PTGES3: variants seen among roughly 807,000 people sequenced by gnomAD.
PTGES3 encodes Hsp90 co-chaperone.
A neutral mutation model predicts 29.9 loss-of-function variants in PTGES3; 5 were observed. That is an observed-to-expected ratio of 0.17 (90% CI 0.09 to 0.35). PTGES3 has a LOEUF of 0.35. Ranked by LOEUF, PTGES3 falls within the 10% of genes least tolerant of loss-of-function variation. The pLI is 1.00. For synonymous variants in PTGES3, 49 were observed against 57.8 expected (o/e 0.85, Z 0.69); for missense variants, 128 against 190.0 (o/e 0.67, Z 1.92).
chr12:56,679,752 G>A (rs974847514), intron 1 of PTGES3, among the ~76,000 whole-genome samples: 2 of 152,030 alleles, frequency 1.3e-5, no homozygotes, highest in Admixed American at 6.6e-5. Flanking sequence ...TTGGCTCACC[G>A]CAACCTCCAC....
chr12:56,676,649 C>T (rs1952262945), intron 1 of PTGES3, among the ~76,000 whole-genome samples: 1 of 152,000 alleles, frequency 6.6e-6, no homozygotes, highest in Admixed American at 6.6e-5. Flanking sequence ...TAGAAAAGTG[C>T]TAAGTGGGTA....
At chr12:56,666,043 A>G in intron 6 of PTGES3, 161 bp downstream of exon 6, 1 of 1,392,824 alleles carries the variant, frequency 7.2e-7, no homozygotes, top group Non-Finnish European at 9.4e-7. Flanking sequence ...AGATACCCCC[A>G]TTCGTCAAAA....
rs1203507147 is a variant in PTGES3, at chr12:56,676,145, G to GGGAGGTGGAGGT, written c.3-3092_3-3081dup. On this transcript the variant is annotated intron_variant, in intron 1 of 7. Transcript: ENST00000262033. ...GGAGGCTGGGAGGGGGAGGGGGAGG[G>GGGAGGTGGAGGT]GGAGGTGGAGGTGGAGGTTGCGGTA... Among the ~76,000 whole-genome samples the GGGAGGTGGAGGT allele has an allele frequency of 1.2e-3, 167 of 138,334 alleles. 2 individuals are homozygous for GGGAGGTGGAGGT. Among genetic ancestry groups the GGGAGGTGGAGGT allele is most frequent in the African/African-American group, 4.4e-3 (155 of 35,310 alleles). The allele number at this position is 138,334 out of a possible 152,430, so 90.8% of individuals were successfully genotyped here. A position where few individuals can be genotyped will look rare whatever the true frequency, so the allele number is the denominator to read the frequency against.
At chr12:56,664,902 G>A (rs1275189031) in intron 6 of PTGES3, 102 bp from the exon 7 acceptor site, 1 of 1,520,198 alleles carries the variant, frequency 6.6e-7, no homozygotes, top group Non-Finnish European at 8.8e-7. Context: ...GACTAAAGTA[G>A]CACAGGTAGG....
At chr12:56,672,085 A>T (rs550087197) in intron 3 of PTGES3, among the ~76,000 whole-genome samples, 1 of 152,164 alleles carries the variant, frequency 6.6e-6, no homozygotes, top group Non-Finnish European at 1.5e-5. Context: ...GCACAACAAT[A>T]AAGTTTAAAG....
At position 56,664,273 on chromosome 12, in the gene PTGES3, T is replaced by G. The variant is rs373243736; in HGVS notation, c.*206A>C. The G allele has an allele frequency of 2.0e-6, 1 of 506,730 alleles. No homozygotes were observed. Among genetic ancestry groups the G allele is most frequent in the African/African-American group, 2.0e-5 (1 of 49,490 alleles). 31.4% of individuals were successfully genotyped at this position (506,730 alleles called of 1,614,324 possible). A position where few individuals can be genotyped will look rare whatever the true frequency, so the allele number is the denominator to read the frequency against. On this transcript the variant is annotated 3_prime_UTR_variant, in exon 8 of 8. Transcript: ENST00000262033. ...AATGTTCATGCATAAGGTTATTGCC[T>G]TAGCTGACTTAAAATTGCCCCATAC... is the stretch of plus-strand genomic sequence containing the variant.
intron 1 of PTGES3, among the ~76,000 whole-genome samples, chr12:56,677,694 G>GT (rs1321582788): frequency 6.6e-6 from 1 of 151,704 alleles, no homozygotes; most frequent in East Asian, 1.9e-4. Context: ...GGGTACCTGT[G>GT]TTTTTTTGAG....
chr12:56,665,051 C>T (rs1190240234), intron 6 of PTGES3: 1 of 985,228 alleles, frequency 1.0e-6, no homozygotes, highest in African/African-American at 1.7e-5. Flanking sequence ...CCCGTTGAAT[C>T]CATTCCTAAA....
chr12:56,680,237 G>C (rs542225692), intron 1 of PTGES3, among the ~76,000 whole-genome samples: 2 of 151,846 alleles, frequency 1.3e-5, no homozygotes, highest in African/African-American at 4.8e-5. Flanking sequence ...ACCACACCTA[G>C]CTAATGTTTT....
chr12:56,679,750 C>A (rs1394808625), intron 1 of PTGES3, among the ~76,000 whole-genome samples: 1 of 152,052 alleles, frequency 6.6e-6, no homozygotes, highest in Admixed American at 6.6e-5. Flanking sequence ...TCTTGGCTCA[C>A]CGCAACCTCC....
At chr12:56,668,289 T>C (rs1951862758) in intron 5 of PTGES3, among the ~76,000 whole-genome samples, 1 of 152,204 alleles carries the variant, frequency 6.6e-6, no homozygotes, top group African/African-American at 2.4e-5. Context: ...TTTAAGTTTC[T>C]TTGGGCAGGA....
At chr12:56,686,929 G>C (rs907181658) in intron 1 of PTGES3, 1 of 194,342 alleles carries the variant, frequency 5.1e-6, no homozygotes, top group Non-Finnish European at 9.1e-6. Context: ...TAAAACAAAA[G>C]AAAAAAAAGG....
intron 1 of PTGES3, among the ~76,000 whole-genome samples, chr12:56,683,517 G>A (rs189200488): frequency 3.7e-5 from 5 of 133,968 alleles, no homozygotes; most frequent in East Asian, 4.5e-4. Flanking sequence ...CAGGCATGGC[G>A]GCAGGCACCT....
At chr12:56,687,706 G>C (rs1300318525) in intron 1 of PTGES3, 1 of 1,347,352 alleles carries the variant, frequency 7.4e-7, no homozygotes, top group Non-Finnish European at 9.5e-7. Context: ...TTAAGGCCTA[G>C]GGTGAAGTTA....
intron 1 of PTGES3, among the ~76,000 whole-genome samples, chr12:56,680,788 T>C (rs958951040): frequency 6.6e-6 from 1 of 152,000 alleles, no homozygotes; most frequent in African/African-American, 2.4e-5. Context: ...AAAGTTTTTT[T>C]TTTTTTTTGA....
At chr12:56,665,331 T>C in intron 6 of PTGES3, 1 of 969,704 alleles carries the variant, frequency 1.0e-6, no homozygotes, top group Non-Finnish European at 1.2e-6. Context: ...AGTCTTGCTC[T>C]GTCACCCAGG....
chr12:56,675,348 T>C (rs1000065572), intron 1 of PTGES3, among the ~76,000 whole-genome samples: 1 of 151,902 alleles, frequency 6.6e-6, no homozygotes, highest in Non-Finnish European at 1.5e-5. Flanking sequence ...GCAAGCTATA[T>C]GATCATGTCC....
chr12:56,679,892 C>T (rs1331293562), intron 1 of PTGES3, among the ~76,000 whole-genome samples: 5 of 151,980 alleles, frequency 3.3e-5, no homozygotes, highest in Admixed American at 3.3e-4. Flanking sequence ...CAAGGCTGAT[C>T]TTTAACTCCT....
chr12:56,677,980 A>G (rs149541462), intron 1 of PTGES3, among the ~76,000 whole-genome samples: 2 of 152,248 alleles, frequency 1.3e-5, no homozygotes, highest in African/African-American at 4.8e-5. Flanking sequence ...ACTACAGCTG[A>G]TTACAGAAGA....
Sources: allele counts gnomAD v4.1 joint callset (sites outside exome capture counted in the v4.1 genomes callset), GRCh38; gene constraint gnomAD v4.1.1; transcripts MANE v1.5; gene names NCBI Gene and HGNC (gene_info 2026-07-23, HGNC 2026-07-21).